The following CHRNB3 variants were observed in gnomAD, a reference collection of about 807,000 sequenced individuals.
CHRNB3 encodes cholinergic receptor nicotinic beta 3 subunit, also known as neuronal acetylcholine receptor subunit beta-3.
Under a neutral mutation model 40.6 loss-of-function variants are expected in CHRNB3, and 37 were observed. That is an observed-to-expected ratio of 0.91 (90% CI 0.70 to 1.20). The LOEUF is 1.20. Ranked by LOEUF, CHRNB3 falls within the 50% of genes most tolerant of loss-of-function variation. The pLI, the probability that CHRNB3 is intolerant of heterozygous loss-of-function variation, is 0.00. For synonymous variants in CHRNB3, 207 were observed against 207.1 expected, an observed-to-expected ratio of 1.00 and a Z score of 0.00; for missense variants, 505 against 551.2, an observed-to-expected ratio of 0.92 and a Z score of 0.84.
chr8:42,702,442 G>T (rs1383604396), intron 1 of CHRNB3, among the ~76,000 whole-genome samples: 1 of 152,038 alleles, frequency 6.6e-6, no homozygotes, highest in African/African-American at 2.4e-5. Flanking sequence ...AGCCCCACAG[G>T]AAATATTTTG....
intron 3 of CHRNB3, among the ~76,000 whole-genome samples, chr8:42,721,132 C>G (rs1255402460): frequency 6.6e-6 from 1 of 152,240 alleles, no homozygotes; most frequent in Admixed American, 6.5e-5. Context: ...TTGCAGCGTG[C>G]TGCAGCTGCA....
intron 1 of CHRNB3, among the ~76,000 whole-genome samples, chr8:42,703,632 CT>C (rs1400615663): frequency 6.6e-6 from 1 of 151,838 alleles, no homozygotes; most frequent in Non-Finnish European, 1.5e-5. Flanking sequence ...ACAAAGACCA[CT>C]TGTCCTGGAA....
chr8:42,717,296 C>T (rs1240060462), intron 3 of CHRNB3, among the ~76,000 whole-genome samples: 1 of 123,840 alleles, frequency 8.1e-6, no homozygotes, highest in African/African-American at 3.2e-5. Context: ...ATGGCGTGAA[C>T]CCGGGAGGCG....
intron 1 of CHRNB3, among the ~76,000 whole-genome samples, chr8:42,699,950 T>C (rs1272506522): frequency 6.8e-6 from 1 of 147,410 alleles, no homozygotes; most frequent in African/African-American, 2.5e-5. Context: ...CCAAAAGGCA[T>C]CAAAGCAAAA....
At chr8:42,713,673 C>T (rs1420482593) in intron 3 of CHRNB3, among the ~76,000 whole-genome samples, 1 of 152,152 alleles carries the variant, frequency 6.6e-6, no homozygotes, top group African/African-American at 2.4e-5. Flanking sequence ...ATCCACCTCC[C>T]ACCCTCCCAC....
intron 1 of CHRNB3, 27 bp downstream of exon 1, chr8:42,697,625 A>G: frequency 6.3e-7 from 1 of 1,577,142 alleles, no homozygotes; most frequent in South Asian, 1.1e-5. Flanking sequence ...GTAAATTAAA[A>G]CTACAGTTGC....
In CHRNB3 at chr8:42,730,319, T is replaced by G. The variant is rs541367437; in HGVS notation, c.250-275T>G. Among the ~76,000 whole-genome samples the G allele has an allele frequency of 1.6e-4, 25 of 152,262 alleles. 1 individual carries two copies. The highest frequency in any genetic ancestry group is 6.0e-4 in the African/African-American group (25 of 41,538). ...GATGAAAAGATAGATCATGAATTAG[T>G]GGCGTTTGTTGTAGAGCCTCTTCAT... On this transcript the variant is annotated intron_variant, in intron 3 of 5. Transcript: ENST00000289957.
intron 3 of CHRNB3, among the ~76,000 whole-genome samples, chr8:42,725,114 A>T: frequency 1.6e-5 from 2 of 128,820 alleles, no homozygotes; most frequent in African/African-American, 3.0e-5. Context: ...TTTGAGACAG[A>T]GTTTTGCTCT....
rs549141799 is a variant in CHRNB3, at chr8:42,710,560, G to T, written c.249+126G>T. The T allele has an allele frequency of 1.5e-4, 107 of 735,480 alleles. No homozygotes were observed. In the East Asian group the frequency reaches 2.9e-3, roughly 20 times the overall value. The allele number at this position is 735,480 out of a possible 1,614,324, so 45.6% of individuals were successfully genotyped here. On this transcript the variant is annotated intron_variant, in intron 3 of 5. Coordinates refer to ENST00000289957, the MANE Select transcript of CHRNB3 (RefSeq NM_000749.5). The stretch of plus-strand genomic sequence containing the variant: ...GTTCCTCAGGGAGATTTGTGGGAAG[G>T]GTCTATGGCTTTTATTTTCTGTTGT...
At position 42,730,572 on chromosome 8, in the gene CHRNB3, A is replaced by C. The variant is rs764520045; in HGVS notation, c.250-22A>C. 4.3e-6 allele frequency: 6 copies of C among 1,398,512 alleles called. No homozygotes were observed. In the South Asian group the frequency reaches 7.6e-5, roughly 18 times the overall value. 86.6% of individuals were successfully genotyped at this position (1,398,512 alleles called of 1,614,324 possible). On this transcript the variant is annotated intron_variant, in intron 3 of 5. Transcript: ENST00000289957. ...TACATTGAACTTTCGGAATAAAATC[A>C]CAGTGTACTAATTTCATGCAGGAAT... is the stretch of plus-strand genomic sequence containing the variant.
At chr8:42,726,068 G>C in intron 3 of CHRNB3, 3 of 948,204 alleles carry the variant, frequency 3.2e-6, no homozygotes, top group South Asian at 1.3e-5. Flanking sequence ...TTGTAGGAAT[G>C]ATTCCAGTTG....
At chr8:42,727,509 T>C (rs1816333040) in intron 3 of CHRNB3, among the ~76,000 whole-genome samples, 1 of 151,994 alleles carries the variant, frequency 6.6e-6, no homozygotes, top group Non-Finnish European at 1.5e-5. Context: ...CCGTGGATAA[T>C]GTTTAGTCTT....
chr8:42,736,751 A>G lies in CHRNB3; in HGVS notation c.*133A>G. ...CTTTGTGGAAATGGAACATCTCCTCATGGGAGAAACTCTGGTAAATGTGCT... is the reference window on the plus strand; with the variant it reads ...CTTTGTGGAAATGGAACATCTCCTCGTGGGAGAAACTCTGGTAAATGTGCT... On this transcript the variant is annotated 3_prime_UTR_variant, in exon 6 of 6. Coordinates refer to ENST00000289957, the MANE Select transcript of CHRNB3 (RefSeq NM_000749.5). 1.8e-6 allele frequency: 2 copies of G among 1,086,560 alleles called. No individual in the cohort carries two copies. The highest frequency in any genetic ancestry group is 1.4e-6 in the Non-Finnish European group (1 of 739,800). The allele number at this position is 1,086,560 out of a possible 1,614,324, so 67.3% of individuals were successfully genotyped here.
At chr8:42,727,314 A>T (rs1043758815) in intron 3 of CHRNB3, among the ~76,000 whole-genome samples, 3 of 150,640 alleles carry the variant, frequency 2.0e-5, no homozygotes, top group African/African-American at 7.3e-5. Context: ...TGGAAGTTGC[A>T]GTGAGACGAG....
intron 3 of CHRNB3, among the ~76,000 whole-genome samples, chr8:42,724,387 T>G (rs1258465751): frequency 6.6e-6 from 1 of 152,158 alleles, no homozygotes; most frequent in Non-Finnish European, 1.5e-5. Context: ...AACATAATAC[T>G]ACTCAGTAAT....
At chr8:42,718,056 C>G (rs1371986995) in intron 3 of CHRNB3, among the ~76,000 whole-genome samples, 4 of 151,750 alleles carry the variant, frequency 2.6e-5, no homozygotes, top group Non-Finnish European at 5.9e-5. Context: ...GTCTGGAACT[C>G]CTGACCTCAT....
In CHRNB3 at chr8:42,732,057, A is replaced by G; in HGVS notation, c.750A>G (p.Leu250=). 1.2e-6 allele frequency: 2 copies of G among 1,614,056 alleles called. No individual in the cohort carries two copies. The highest frequency in any genetic ancestry group is 1.7e-6 in the Non-Finnish European group (2 of 1,180,016). Residue 250 remains leucine (L), a synonymous_variant, in exon 5 of 6, where the codon CTA becomes CTG. Transcript: ENST00000289957. ...TCCCCTGCCTGGGGCTGTCTTTCCT[A>G]ACAGTTCTTGTGTTCTATTTACCTT... The part of the protein sequence containing the change: ...LIIPCLGLSF[L]TVLVFYLPSD...
At position 42,726,339 on chromosome 8, in the gene CHRNB3, T is replaced by A. The variant is rs895178283; in HGVS notation, c.250-4255T>A. The A allele has an allele frequency of 5.6e-6, 3 of 533,874 alleles. No homozygotes were observed. In the African/African-American group the frequency reaches 5.7e-5, roughly 10 times the overall value. 33.1% of individuals were successfully genotyped at this position (533,874 alleles called of 1,614,324 possible). ...AACGCTCCACTTGCAAATGACATAA[T>A]TGTCTATGTAGAAAATCTACAGAAA... is the stretch of plus-strand genomic sequence containing the variant. On this transcript the variant is annotated intron_variant, in intron 3 of 5. Coordinates refer to ENST00000289957, the MANE Select transcript of CHRNB3 (RefSeq NM_000749.5).
At chr8:42,717,099 C>T (rs1816123409) in intron 3 of CHRNB3, among the ~76,000 whole-genome samples, 2 of 135,026 alleles carry the variant, frequency 1.5e-5, no homozygotes, top group African/African-American at 5.9e-5. Flanking sequence ...ACTGGCCGGG[C>T]GCGGTGGCTC....
Sources: allele counts gnomAD v4.1 joint callset (sites outside exome capture counted in the v4.1 genomes callset), GRCh38; gene constraint gnomAD v4.1.1; transcripts MANE v1.5; gene names NCBI Gene and HGNC (gene_info 2026-07-23, HGNC 2026-07-21).